CSF3R: variants seen among roughly 807,000 people sequenced by gnomAD.
CSF3R encodes the protein colony stimulating factor 3 receptor, also known as granulocyte colony-stimulating factor receptor.
Under a neutral mutation model 84.4 loss-of-function variants are expected in CSF3R, and 52 were observed. That is an observed-to-expected ratio of 0.62 (90% confidence interval 0.49 to 0.78). The LOEUF is 0.78. Among genes scored for constraint, CSF3R ranks in the 30% least tolerant of loss-of-function variants. The pLI, the probability that CSF3R is intolerant of heterozygous loss-of-function variation, is 0.00. For synonymous variants in CSF3R, 384 were observed against 429.1 expected (o/e 0.89, Z 1.30); for missense variants, 890 against 1,055.7 (o/e 0.84, Z 2.17).
chr1:36,476,970 T>A (rs536409685), intron 3 of CSF3R: 1 of 151,682 alleles, frequency 6.6e-6, no homozygotes, highest in Non-Finnish European at 1.5e-5. Context: ...GTGCCCGGCA[T>A]GCTGTTCTTT....
chr1:36,478,488 T>C (rs949054417), intron 3 of CSF3R, among the ~76,000 whole-genome samples: 4 of 151,834 alleles, frequency 2.6e-5, no homozygotes, highest in East Asian at 1.9e-4. Context: ...GAGATCCCGC[T>C]ACTGTACTTC....
At chr1:36,473,335 T>C in intron 6 of CSF3R, 100 bp downstream of exon 6, 3 of 1,364,622 alleles carry the variant, frequency 2.2e-6, no homozygotes, top group Non-Finnish European at 3.1e-6. Context: ...CTCTAGGTCT[T>C]CCAGTGTCTT....
At chr1:36,478,654 C>T (rs541159107) in intron 3 of CSF3R, among the ~76,000 whole-genome samples, 21 of 151,852 alleles carry the variant, frequency 1.4e-4, no homozygotes, top group African/African-American at 4.8e-4. Context: ...TTGAGACCAG[C>T]CTGGGCAACA....
intron 3 of CSF3R, chr1:36,479,028 CAG>C: frequency 2.9e-6 from 1 of 340,604 alleles, no homozygotes; most frequent in Non-Finnish European, 5.8e-6. Flanking sequence ...CCTCTCAAGA[CAG>C]AGTTTCCATG....
Sources: gnomAD v4.1 joint callset for allele counts (sites outside exome capture counted in the v4.1 genomes callset) on GRCh38, gnomAD v4.1.1 for gene constraint, MANE v1.5 for transcripts, NCBI Gene and HGNC (gene_info 2026-07-23, HGNC 2026-07-21) for gene names.